Variants in TMEM108 observed in about 807,000 individuals in gnomAD.
TMEM108 encodes cancer/testis antigen 124.
In TMEM108, 12 loss-of-function variants were observed where a neutral mutation model predicts 35.1. The ratio of observed to expected loss-of-function variants is 0.34; its 90% CI spans 0.22 to 0.55. The LOEUF is 0.55. Among genes scored for constraint, TMEM108 ranks in the 20% least tolerant of loss-of-function variants. The pLI is 0.89. For synonymous variants in TMEM108, 287 were observed against 308.6 expected (o/e 0.93, Z 0.73); for missense variants, 680 against 753.3 (o/e 0.90, Z 1.14).
chr3:133,051,159 TC>T (rs147728295), intron 2 of TMEM108, among the ~76,000 whole-genome samples: 2 of 152,272 alleles, frequency 1.3e-5, no homozygotes, highest in East Asian at 3.9e-4. Flanking sequence ...TTGCACCACA[TC>T]CTTGCAAGCA....
chr3:133,229,428 T>C lies in TMEM108; in HGVS notation c.40+77T>C, dbSNP rs1946119160. ...TGCTGGGTACCCACAACTTACTTTT[T>C]GGACGGAGACCAGGGTTGGATCGGT... On this transcript the variant is annotated intron_variant, in intron 3 of 5. Transcript: ENST00000321871. 4 of 1,430,550 alleles carry C rather than the reference T, an allele frequency of 2.8e-6. No individual in the cohort carries two copies. In the South Asian group the frequency reaches 3.6e-5, roughly 13 times the overall value. The allele number at this position is 1,430,550 out of a possible 1,614,324, so 88.6% of individuals were successfully genotyped here. A position where few individuals can be genotyped will look rare whatever the true frequency, so the allele number is the denominator to read the frequency against.
chr3:133,178,669 T>TAA (rs1291512181), intron 2 of TMEM108, among the ~76,000 whole-genome samples: 4 of 152,190 alleles, frequency 2.6e-5, no homozygotes, highest in Non-Finnish European at 5.9e-5. Context: ...CAAGGTGGAT[T>TAA]AAAGACTTAA....
intron 4 of TMEM108, chr3:133,386,980 T>C (rs1316365211): frequency 1.0e-6 from 1 of 985,800 alleles, no homozygotes; most frequent in East Asian, 1.1e-4. Flanking sequence ...AGTGCCTGGG[T>C]CAGTGCTGGG....
chr3:133,053,626 C>T (rs1943432240), intron 2 of TMEM108, among the ~76,000 whole-genome samples: 2 of 152,186 alleles, frequency 1.3e-5, no homozygotes, highest in Admixed American at 6.5e-5. Context: ...TGTGGCAAGT[C>T]TGCAAAGAAT....
intron 3 of TMEM108, among the ~76,000 whole-genome samples, chr3:133,351,801 A>G (rs577920426): frequency 3.2e-4 from 48 of 152,156 alleles, no homozygotes; most frequent in Non-Finnish European, 3.8e-4. Flanking sequence ...GTCTCATTCC[A>G]AGGACATCAC....
chr3:133,332,149 C>T (rs1021067917), intron 3 of TMEM108, among the ~76,000 whole-genome samples: 3 of 152,046 alleles, frequency 2.0e-5, no homozygotes, highest in Non-Finnish European at 2.9e-5. Flanking sequence ...AGCTTAAGGA[C>T]CTCACCCCAT....
At chr3:133,092,100 T>C (rs1163108962) in intron 2 of TMEM108, among the ~76,000 whole-genome samples, 1 of 152,256 alleles carries the variant, frequency 6.6e-6, no homozygotes, top group African/African-American at 2.4e-5. Flanking sequence ...TCTGCTAAAC[T>C]GAGGCACTCT....
At chr3:133,387,422 A>ATGAACATGTGAGGGGAAG in intron 4 of TMEM108, 1 of 985,490 alleles carries the variant, frequency 1.0e-6, no homozygotes, top group South Asian at 4.7e-5. Flanking sequence ...GGCCAGGAGC[A>ATGAACATGTGAGGGGAAG]TGAACATGTG....
At chr3:133,101,173 G>A (rs931810344) in intron 2 of TMEM108, among the ~76,000 whole-genome samples, 9 of 152,118 alleles carry the variant, frequency 5.9e-5, no homozygotes, top group Non-Finnish European at 1.0e-4. Flanking sequence ...ATTTTATTAT[G>A]GACAGTGCCT....
chr3:133,198,341 A>AGAAT (rs113794054), intron 2 of TMEM108, among the ~76,000 whole-genome samples: 1 of 151,646 alleles, frequency 6.6e-6, no homozygotes, highest in South Asian at 2.1e-4. Context: ...CTTTGGGAGA[A>AGAAT]GCTTTCTTTA....
chr3:133,090,305 C>G (rs1943932734), intron 2 of TMEM108, among the ~76,000 whole-genome samples: 1 of 152,230 alleles, frequency 6.6e-6, no homozygotes, highest in South Asian at 2.1e-4. Flanking sequence ...CTTGAACTCT[C>G]TGGCATTTCA....
chr3:133,058,813 G>T (rs1288539295), intron 2 of TMEM108, among the ~76,000 whole-genome samples: 1 of 152,236 alleles, frequency 6.6e-6, no homozygotes, highest in African/African-American at 2.4e-5. Context: ...ATCCTGCCAT[G>T]TGCTTCTCTT....
At chr3:133,348,087 A>G (rs2071875827) in intron 3 of TMEM108, among the ~76,000 whole-genome samples, 1 of 151,928 alleles carries the variant, frequency 6.6e-6, no homozygotes. Context: ...AACAAGTAGT[A>G]AAGATATTTT....
chr3:133,084,664 C>A, intron 2 of TMEM108, among the ~76,000 whole-genome samples: 1 of 152,104 alleles, frequency 6.6e-6, no homozygotes, highest in Non-Finnish European at 1.5e-5. Flanking sequence ...AGGCACTGTT[C>A]CAAGCACTTC....
chr3:133,121,081 C>G (rs952105947), intron 2 of TMEM108: 2 of 152,212 alleles, frequency 1.3e-5, no homozygotes, highest in Admixed American at 1.3e-4. Context: ...TCTCTGCTTT[C>G]AGCAGCTCTG....
chr3:133,254,365 G>C (rs1946515077), intron 3 of TMEM108, among the ~76,000 whole-genome samples: 1 of 152,032 alleles, frequency 6.6e-6, no homozygotes, highest in Admixed American at 6.6e-5. Context: ...TTGTGGTTTT[G>C]GTTTTGATTC....
intron 3 of TMEM108, among the ~76,000 whole-genome samples, chr3:133,317,031 G>A (rs1414259457): frequency 1.3e-5 from 2 of 151,968 alleles, no homozygotes; most frequent in East Asian, 3.9e-4. Context: ...AGTGTGGCCA[G>A]GATGGGAAGG....
intron 3 of TMEM108, among the ~76,000 whole-genome samples, chr3:133,243,149 C>T (rs1051642133): frequency 6.6e-6 from 1 of 152,086 alleles, no homozygotes; most frequent in Admixed American, 6.5e-5. Context: ...GGTAATTGTT[C>T]AGATTCCAGT....
At chr3:133,199,522 G>T (rs1190168553) in intron 2 of TMEM108, among the ~76,000 whole-genome samples, 1 of 152,190 alleles carries the variant, frequency 6.6e-6, no homozygotes, top group Non-Finnish European at 1.5e-5. Context: ...ACCCTCAGCT[G>T]CAGGTCTGTT....
Sources: allele counts gnomAD v4.1 joint callset (sites outside exome capture counted in the v4.1 genomes callset), GRCh38; gene constraint gnomAD v4.1.1; transcripts MANE v1.5; gene names NCBI Gene and HGNC (gene_info 2026-07-23, HGNC 2026-07-21).